Variants in CAMK1D observed in about 807,000 individuals in gnomAD.
The protein encoded by CAMK1D is calcium/calmodulin dependent protein kinase ID.
CAMK1D carries 9 observed loss-of-function variants against 47.7 expected under a neutral mutation model. The observed-to-expected ratio is 0.19, with a 90% CI of 0.11 to 0.33. CAMK1D has a LOEUF of 0.33. Among genes scored for constraint, CAMK1D ranks in the 10% least tolerant of loss-of-function variants. The pLI is 1.00. For missense variants in CAMK1D, 291 were observed against 488.7 expected, an observed-to-expected ratio of 0.60 and a Z score of 3.81; for synonymous variants, 184 against 184.9, an observed-to-expected ratio of 0.99 and a Z score of 0.04.
intron 1 of CAMK1D, among the ~76,000 whole-genome samples, chr10:12,544,832 A>AAGTGGATAGTACTAGTGTTG (rs1564402588): frequency 9.7e-6 from 1 of 103,582 alleles, no homozygotes; most frequent in African/African-American, 3.6e-5. Flanking sequence ...TACTAGTGTT[A>AAGTGGATAGTACTAGTGTTG]AGTGGATAGT....
intron 2 of CAMK1D, among the ~76,000 whole-genome samples, chr10:12,628,561 T>C (rs562432775): frequency 1.3e-5 from 2 of 152,336 alleles, no homozygotes; most frequent in East Asian, 1.9e-4. Context: ...TTTGTTATAA[T>C]TGATAAGCCA....
chr10:12,501,662 G>T (rs1021397265), intron 1 of CAMK1D, among the ~76,000 whole-genome samples: 12 of 151,802 alleles, frequency 7.9e-5, no homozygotes, highest in African/African-American at 2.9e-4. Context: ...TTTTTTTCCC[G>T]CCAGGGGACA....
intron 1 of CAMK1D, among the ~76,000 whole-genome samples, chr10:12,416,573 G>A (rs1011888495): frequency 6.6e-6 from 1 of 152,212 alleles, no homozygotes; most frequent in Non-Finnish European, 1.5e-5. Context: ...AGTCCGTGCA[G>A]AAAAATCCCA....
intron 5 of CAMK1D, among the ~76,000 whole-genome samples, chr10:12,776,699 C>G (rs1313905375): frequency 1.3e-5 from 2 of 150,990 alleles, no homozygotes; most frequent in East Asian, 2.0e-4. Flanking sequence ...GGAAGCTTCT[C>G]TAACCCACCG....
At chr10:12,695,651 C>A (rs559184097) in intron 3 of CAMK1D, among the ~76,000 whole-genome samples, 3 of 152,218 alleles carry the variant, frequency 2.0e-5, no homozygotes, top group African/African-American at 7.2e-5. Context: ...TCCTGAGGGT[C>A]CTTTGGGCTG....
At chr10:12,685,336 C>T (rs1226168746) in intron 3 of CAMK1D, among the ~76,000 whole-genome samples, 1 of 152,150 alleles carries the variant, frequency 6.6e-6, no homozygotes, top group Non-Finnish European at 1.5e-5. Flanking sequence ...TCATTACTAA[C>T]TCTGCTGTAC....
intron 1 of CAMK1D, among the ~76,000 whole-genome samples, chr10:12,419,643 C>A (rs1839979195): frequency 8.7e-6 from 1 of 114,324 alleles, no homozygotes; most frequent in Admixed American, 8.4e-5. Flanking sequence ...AGAAAATGCA[C>A]ACACACACAC....
chr10:12,553,023 A>G (rs887709256), intron 1 of CAMK1D, among the ~76,000 whole-genome samples: 2 of 152,154 alleles, frequency 1.3e-5, no homozygotes, highest in Admixed American at 6.6e-5. Context: ...GATTACAGGC[A>G]TGAGCCACTG....
At chr10:12,738,918 G>T (rs1008105325) in intron 3 of CAMK1D, among the ~76,000 whole-genome samples, 1 of 152,088 alleles carries the variant, frequency 6.6e-6, no homozygotes, top group Non-Finnish European at 1.5e-5. Context: ...AGGTATGTGT[G>T]AATGTTGGGA....
intron 2 of CAMK1D, among the ~76,000 whole-genome samples, chr10:12,569,294 T>G (rs780289234): frequency 3.9e-5 from 6 of 152,216 alleles, no homozygotes; most frequent in Non-Finnish European, 7.3e-5. Context: ...CATTTTAGAA[T>G]TTTTCATAGT....
chr10:12,427,461 G>A (rs1840271784), intron 1 of CAMK1D, among the ~76,000 whole-genome samples: 1 of 152,026 alleles, frequency 6.6e-6, no homozygotes, highest in African/African-American at 2.4e-5. Context: ...CCATCAGCCG[G>A]CCCCCAAGCT....
chr10:12,448,377 ATT>A lies in CAMK1D; in HGVS notation c.92+98476_92+98477del, dbSNP rs11299196. Among the ~76,000 whole-genome samples the A allele has an allele frequency of 6.4e-4, 93 of 145,938 alleles. 2 individuals are homozygous for A. The South Asian group carries it at 0.019, about 30-fold the overall frequency. ...TTTATTTTTGCTTATTTTAATTTTT[ATT>A]TTTTTTTTGTTTCTCTATATTGCCC... On this transcript the variant is annotated intron_variant, in intron 1 of 10. Transcript: ENST00000619168.
At chr10:12,703,140 T>C (rs74120312) in intron 3 of CAMK1D, among the ~76,000 whole-genome samples, 6 of 152,152 alleles carry the variant, frequency 3.9e-5, no homozygotes, top group Non-Finnish European at 7.3e-5. Context: ...AGTTGTCAAA[T>C]ACACCCGGGA....
chr10:12,812,520 G>T (rs1832647340), intron 6 of CAMK1D, among the ~76,000 whole-genome samples: 1 of 152,208 alleles, frequency 6.6e-6, no homozygotes. Context: ...GGAGGCTGAG[G>T]CAGAATAATA....
Position 12,814,322 on chromosome 10 carries a change from G to A in CAMK1D, c.754+15G>A, listed in dbSNP as rs760064279. ...CTCCGACTCTGGTAGGTCTCCCATA[G>A]GCAGCTCCCAGTGGGCGGCCCCCGC... On this transcript the variant is annotated intron_variant, in intron 7 of 10. Coordinates refer to ENST00000619168, the MANE Select transcript of CAMK1D (RefSeq NM_153498.4). 4.5e-6 allele frequency: 7 copies of A among 1,558,732 alleles called. No homozygotes were observed. Among genetic ancestry groups the A allele is most frequent in the Non-Finnish European group, 5.3e-6 (6 of 1,129,952 alleles).
At chr10:12,386,712 G>A (rs1471169333) in intron 1 of CAMK1D, among the ~76,000 whole-genome samples, 2 of 152,086 alleles carry the variant, frequency 1.3e-5, no homozygotes, top group Admixed American at 6.6e-5. Context: ...GTACATTCAC[G>A]ATATTAACAG....
At chr10:12,766,408 G>C (rs1836768214) in intron 4 of CAMK1D, among the ~76,000 whole-genome samples, 1 of 143,512 alleles carries the variant, frequency 7.0e-6, no homozygotes, top group Non-Finnish European at 1.5e-5. Context: ...CTGTCCCCAG[G>C]TTGGAGTGCA....
chr10:12,385,889 G>A (rs1838480347), intron 1 of CAMK1D, among the ~76,000 whole-genome samples: 1 of 152,054 alleles, frequency 6.6e-6, no homozygotes, highest in South Asian at 2.1e-4. Flanking sequence ...TGGGATCACA[G>A]GCGTGCGCCA....
At chr10:12,483,077 C>G (rs766382673) in intron 1 of CAMK1D, among the ~76,000 whole-genome samples, 2 of 152,170 alleles carry the variant, frequency 1.3e-5, no homozygotes, top group Non-Finnish European at 2.9e-5. Flanking sequence ...TTCTAATGCC[C>G]AGCTTCCTCC....
Sources: gnomAD v4.1 joint callset for allele counts (sites outside exome capture counted in the v4.1 genomes callset) on GRCh38, gnomAD v4.1.1 for gene constraint, MANE v1.5 for transcripts, NCBI Gene and HGNC (gene_info 2026-07-23, HGNC 2026-07-21) for gene names.